THRB: variants seen among roughly 807,000 people sequenced by gnomAD.
The protein encoded by THRB is thyroid hormone receptor beta.
A neutral mutation model predicts 47.8 loss-of-function variants in THRB; 12 were observed. The observed-to-expected ratio is 0.25, with a 90% CI of 0.16 to 0.41. The LOEUF (loss-of-function observed/expected upper bound fraction) is 0.41, where lower values mean the gene tolerates loss of function less well. THRB is among the 10% of genes least tolerant of loss of function. The pLI, the probability that THRB is intolerant of heterozygous loss-of-function variation, is 1.00. For synonymous variants in THRB, 218 were observed against 212.2 expected, an observed-to-expected ratio of 1.03 and a Z score of -0.24; for missense variants, 348 against 589.2, an observed-to-expected ratio of 0.59 and a Z score of 4.24.
In THRB at chr3:24,285,914, C is replaced by G. The variant is rs1363567117; in HGVS notation, c.-43+11312G>C. On this transcript the variant is annotated intron_variant, in intron 3 of 10. Transcript: ENST00000646209. ...AATCCACATGTTGAAGCACTAACCC[C>G]CAATGTGATGGTATTTGGAGGTAGG... Among the ~76,000 whole-genome samples, 5 of 152,112 alleles carry G rather than the reference C, an allele frequency of 3.3e-5. No individual in the cohort carries two copies. The East Asian group carries it at 7.7e-4, about 23-fold the overall frequency.
intron 1 of THRB, among the ~76,000 whole-genome samples, chr3:24,390,772 A>C (rs767987533): frequency 8.5e-6 from 1 of 117,188 alleles, no homozygotes; most frequent in Non-Finnish European, 1.8e-5. Context: ...CTGCTTCCCA[A>C]TCTTTACTTT....
chr3:24,435,566 T>G (rs1471413693), intron 1 of THRB, among the ~76,000 whole-genome samples: 1 of 152,112 alleles, frequency 6.6e-6, no homozygotes, highest in Non-Finnish European at 1.5e-5. Context: ...ATGAGATACC[T>G]CTCACGACAT....
At chr3:24,490,674 C>A (rs1171158202) in intron 1 of THRB, among the ~76,000 whole-genome samples, 2 of 152,110 alleles carry the variant, frequency 1.3e-5, no homozygotes, top group African/African-American at 4.8e-5. Context: ...GCCATAGGGT[C>A]ATTTTCAAGT....
At chr3:24,471,721 C>T (rs1694736783) in intron 1 of THRB, among the ~76,000 whole-genome samples, 1 of 152,176 alleles carries the variant, frequency 6.6e-6, no homozygotes, top group Admixed American at 6.5e-5. Flanking sequence ...TAGTCTGCTG[C>T]TAATCCACAA....
intron 4 of THRB, among the ~76,000 whole-genome samples, chr3:24,197,835 G>A (rs2044133666): frequency 6.6e-6 from 1 of 152,248 alleles, no homozygotes; most frequent in African/African-American, 2.4e-5. Context: ...GACAAGCTCT[G>A]TGAGCAGGGA....
intron 2 of THRB, among the ~76,000 whole-genome samples, chr3:24,324,723 A>T: frequency 6.6e-6 from 1 of 152,232 alleles, no homozygotes; most frequent in East Asian, 1.9e-4. Flanking sequence ...CAGATCCAAG[A>T]TGTAAATGAA....
chr3:24,185,697 G>C (rs1199480558), intron 5 of THRB, among the ~76,000 whole-genome samples: 1 of 152,130 alleles, frequency 6.6e-6, no homozygotes, highest in Non-Finnish European at 1.5e-5. Context: ...GTCCCTGATT[G>C]ACATAAAAGT....
chr3:24,296,303 G>A (rs1427756997), intron 3 of THRB, among the ~76,000 whole-genome samples: 1 of 152,202 alleles, frequency 6.6e-6, no homozygotes, highest in African/African-American at 2.4e-5. Flanking sequence ...AATAAGATCT[G>A]ACATTTATTG....
At chr3:24,176,959 A>G (rs1410603643) in intron 5 of THRB, among the ~76,000 whole-genome samples, 3 of 152,218 alleles carry the variant, frequency 2.0e-5, no homozygotes, top group African/African-American at 7.2e-5. Context: ...TATCTCAGTG[A>G]AGCTTTACAA....
At chr3:24,240,347 T>C (rs560523075) in intron 3 of THRB, among the ~76,000 whole-genome samples, 3 of 152,340 alleles carry the variant, frequency 2.0e-5, no homozygotes, top group South Asian at 2.1e-4. Context: ...AGTAGTTTAC[T>C]GAGCCCGCGT....
intron 1 of THRB, among the ~76,000 whole-genome samples, chr3:24,418,284 G>A (rs1204825053): frequency 2.0e-5 from 3 of 149,002 alleles, no homozygotes; most frequent in Non-Finnish European, 4.4e-5. Flanking sequence ...ACCTTGCCTA[G>A]TGTTACTTGG....
intron 1 of THRB, among the ~76,000 whole-genome samples, chr3:24,473,449 T>C (rs148906472): frequency 0.013 from 2,044 of 152,232 alleles, 49 homozygotes; most frequent in African/African-American, 0.045. Flanking sequence ...ACAGATGCTG[T>C]AGAGGATGTG....
At chr3:24,124,917 C>G (rs1272210520) in intron 10 of THRB, among the ~76,000 whole-genome samples, 1 of 152,158 alleles carries the variant, frequency 6.6e-6, no homozygotes, top group Admixed American at 6.5e-5. Flanking sequence ...GGGTCCACAT[C>G]ACTGGGGAGG....
intron 2 of THRB, among the ~76,000 whole-genome samples, chr3:24,324,081 A>T (rs1443148425): frequency 6.6e-6 from 1 of 152,104 alleles, no homozygotes; most frequent in Non-Finnish European, 1.5e-5. Flanking sequence ...TGGGCACTTG[A>T]CCTGCCTCAG....
chr3:24,360,830 G>A (rs113818195), intron 1 of THRB, among the ~76,000 whole-genome samples: 3,134 of 152,112 alleles, frequency 0.021, 43 homozygotes, highest in African/African-American at 0.038. Context: ...ACAGAGTGGC[G>A]GTTTCTTGCA....
chr3:24,276,371 G>A (rs1372122646), intron 3 of THRB, among the ~76,000 whole-genome samples: 1 of 152,126 alleles, frequency 6.6e-6, no homozygotes, highest in Non-Finnish European at 1.5e-5. Context: ...CATTTATTAA[G>A]CACTTTTCAA....
intron 4 of THRB, among the ~76,000 whole-genome samples, chr3:24,208,185 CA>C (rs747773797): frequency 1.5e-3 from 204 of 137,952 alleles, no homozygotes; most frequent in African/African-American, 3.9e-3. Context: ...CATTGCTCAA[CA>C]AAAAAAAAAA....
At chr3:24,355,157 T>C (rs566482150) in intron 1 of THRB, among the ~76,000 whole-genome samples, 2 of 152,254 alleles carry the variant, frequency 1.3e-5, no homozygotes, top group Non-Finnish European at 2.9e-5. Flanking sequence ...CTTCCTGATA[T>C]GATGCACTGA....
chr3:24,231,779 C>A (rs1186054846), intron 3 of THRB, among the ~76,000 whole-genome samples: 1 of 152,136 alleles, frequency 6.6e-6, no homozygotes, highest in Non-Finnish European at 1.5e-5. Flanking sequence ...GGAGGGGAAT[C>A]CCAAGATGGT....
Sources: allele counts gnomAD v4.1 joint callset (sites outside exome capture counted in the v4.1 genomes callset), GRCh38; gene constraint gnomAD v4.1.1; transcripts MANE v1.5; gene names NCBI Gene and HGNC (gene_info 2026-07-23, HGNC 2026-07-21).